Variants in PDE4B observed in about 807,000 individuals in gnomAD.
PDE4B encodes phosphodiesterase 4B.
Under a neutral mutation model 82.2 loss-of-function variants are expected in PDE4B, and 20 were observed. That is an observed-to-expected ratio of 0.24 (90% CI 0.17 to 0.35). The LOEUF is 0.35. Among genes scored for constraint, PDE4B ranks in the 10% least tolerant of loss-of-function variants. The pLI is 1.00. For synonymous variants in PDE4B, 320 were observed against 318.9 expected (o/e 1.00, Z -0.04); for missense variants, 655 against 907.2 (o/e 0.72, Z 3.57).
chr1:65,963,276 C>T (rs1028058446), intron 3 of PDE4B, among the ~76,000 whole-genome samples: 1 of 152,166 alleles, frequency 6.6e-6, no homozygotes. Flanking sequence ...TTTGGCCCTG[C>T]GACTGCAGGC....
rs1028865163 is a variant in PDE4B at position 66,368,945 on chromosome 1, C to A, written c.1821C>A (p.His607Gln). The change falls in exon 16 of 17, where the codon CAC becomes CAA. Residue 607 changes from histidine to glutamine, a missense_variant. His to Gln is a conservative substitution (Grantham distance 24, BLOSUM62 0). This residue lies in a region of PDE4B where 283 missense variants were observed against 516.4 expected (regional missense o/e 0.55). Transcript: ENST00000341517. The part of the protein sequence containing the change: ...GMEISPMCDK[H>Q]TASVEKSQVG... ...AAATTAGCCCAATGTGTGATAAACA[C>A]ACAGCTTCTGTGGAAAAATCCCAGG... 2 of 1,609,060 alleles carry A rather than the reference C, an allele frequency of 1.2e-6. No homozygotes were observed. Among genetic ancestry groups the A allele is most frequent in the Admixed American group, 1.7e-5 (1 of 59,012 alleles).
intron 7 of PDE4B, among the ~76,000 whole-genome samples, chr1:66,288,725 A>G (rs1656860191): frequency 6.6e-6 from 1 of 152,156 alleles, no homozygotes; most frequent in South Asian, 2.1e-4. Flanking sequence ...ATCAAGGACA[A>G]GGAACAAAAT....
At chr1:66,151,328 T>G (rs189831360) in intron 3 of PDE4B, among the ~76,000 whole-genome samples, 2 of 152,308 alleles carry the variant, frequency 1.3e-5, no homozygotes, top group East Asian at 3.9e-4. Context: ...ATTAGTCTGG[T>G]TAATGGCTCT....
chr1:66,166,418 T>C (rs796292208), intron 3 of PDE4B, among the ~76,000 whole-genome samples: 4 of 152,132 alleles, frequency 2.6e-5, no homozygotes, highest in Non-Finnish European at 4.4e-5. Flanking sequence ...AAAAACTTTT[T>C]GTTCTTCCAA....
At chr1:66,089,547 T>G (rs773337502) in intron 3 of PDE4B, among the ~76,000 whole-genome samples, 2 of 152,046 alleles carry the variant, frequency 1.3e-5, no homozygotes, top group Non-Finnish European at 2.9e-5. Flanking sequence ...TTAATTCACC[T>G]TGCAATGGCC....
At chr1:65,992,850 TCTG>T in intron 3 of PDE4B, 1 of 1,583,890 alleles carries the variant, frequency 6.3e-7, no homozygotes, top group South Asian at 1.2e-5. Context: ...CAGCAGTGTC[TCTG>T]CTATGTTTGA....
intron 3 of PDE4B, among the ~76,000 whole-genome samples, chr1:66,108,882 A>G (rs540633598): frequency 5.5e-4 from 84 of 152,104 alleles, no homozygotes; most frequent in African/African-American, 1.8e-3. Flanking sequence ...TCATTTTCCA[A>G]TGAAATTAAA....
intron 3 of PDE4B, among the ~76,000 whole-genome samples, chr1:65,968,496 A>AT (rs5774779): frequency 0.92 from 138,298 of 150,404 alleles, 64,419 homozygotes; most frequent in East Asian, 1. Flanking sequence ...GTTGACTATA[A>AT]TTTTTTTTTT....
chr1:65,997,248 A>C (rs1651599475), intron 3 of PDE4B, among the ~76,000 whole-genome samples: 1 of 147,728 alleles, frequency 6.8e-6, no homozygotes, highest in Non-Finnish European at 1.5e-5. Context: ...ATGCTTGCAC[A>C]CAGGAAACAA....
At chr1:65,907,409 G>A (rs943659793) in intron 1 of PDE4B, among the ~76,000 whole-genome samples, 1 of 151,966 alleles carries the variant, frequency 6.6e-6, no homozygotes, top group African/African-American at 2.4e-5. Context: ...GTTTACGGAT[G>A]ATTATACTCC....
rs944279132 is a variant in PDE4B at position 66,108,178 on chromosome 1, C to T, written c.282-139282C>T. Among the ~76,000 whole-genome samples the T allele has an allele frequency of 1.6e-4, 25 of 152,022 alleles. No individual in the cohort carries two copies. The East Asian group carries it at 4.3e-3, about 26-fold the overall frequency. On this transcript the variant is annotated intron_variant, in intron 3 of 16. Transcript: ENST00000341517. Reference sequence around the variant, plus strand: ...TCCTGAAGTTATACCTCCTGTTTAACTGAAATTTTGTAAGCCTTTCACCAG... The same window carrying T: ...TCCTGAAGTTATACCTCCTGTTTAATTGAAATTTTGTAAGCCTTTCACCAG...
chr1:66,226,815 G>C (rs1651490412), intron 3 of PDE4B, among the ~76,000 whole-genome samples: 2 of 152,186 alleles, frequency 1.3e-5, no homozygotes, highest in African/African-American at 2.4e-5. Flanking sequence ...AGTTTACTCT[G>C]ATTACTGTGG....
chr1:66,029,914 C>T (rs1653670014), intron 3 of PDE4B, among the ~76,000 whole-genome samples: 1 of 152,040 alleles, frequency 6.6e-6, no homozygotes, highest in Admixed American at 6.5e-5. Context: ...AGCAATATTC[C>T]TTTTGTTGCT....
At chr1:65,876,085 A>G (rs1646639421) in intron 1 of PDE4B, among the ~76,000 whole-genome samples, 2 of 152,256 alleles carry the variant, frequency 1.3e-5, no homozygotes, top group South Asian at 4.1e-4. Context: ...TGGGGGCGGA[A>G]GTTTTTTTAG....
chr1:66,071,123 C>T (rs1415496758), intron 3 of PDE4B, among the ~76,000 whole-genome samples: 1 of 151,876 alleles, frequency 6.6e-6, no homozygotes, highest in Non-Finnish European at 1.5e-5. Context: ...GCATAAAATA[C>T]TCTAATAATA....
At chr1:66,110,200 C>T (rs1463002649) in intron 3 of PDE4B, among the ~76,000 whole-genome samples, 2 of 151,784 alleles carry the variant, frequency 1.3e-5, no homozygotes, top group Admixed American at 6.6e-5. Context: ...CAATAAAGAG[C>T]GGAAATTGAT....
At chr1:66,020,235 G>A (rs1352393344) in intron 3 of PDE4B, among the ~76,000 whole-genome samples, 1 of 152,150 alleles carries the variant, frequency 6.6e-6, no homozygotes, top group Admixed American at 6.6e-5. Context: ...TCTGATTAAG[G>A]CAGGTGTCTG....
Position 66,128,740 on chromosome 1 carries a change from A to G in PDE4B, c.282-118720A>G, listed in dbSNP as rs966212655. Among the ~76,000 whole-genome samples the G allele has an allele frequency of 5.9e-5, 9 of 152,350 alleles. No individual in the cohort carries two copies. In the South Asian group the frequency reaches 6.2e-4, roughly 11 times the overall value. ...AGGTTTAATGGACTCACAGTTCCAC[A>G]TGGCTAGGGAGGTCTCACAATCATG... On this transcript the variant is annotated intron_variant, in intron 3 of 16. Transcript: ENST00000341517.
At chr1:65,942,712 G>A (rs779574228) in intron 3 of PDE4B, among the ~76,000 whole-genome samples, 1 of 151,846 alleles carries the variant, frequency 6.6e-6, no homozygotes, top group South Asian at 2.1e-4. Flanking sequence ...TTTGATAATA[G>A]CCATTCTAAC....
Sources: gnomAD v4.1 joint callset for allele counts (sites outside exome capture counted in the v4.1 genomes callset) on GRCh38, gnomAD v4.1.1 for gene constraint, gnomAD v4.1.1 regional missense constraint, MANE v1.5 for transcripts, NCBI Gene and HGNC (gene_info 2026-07-23, HGNC 2026-07-21) for gene names.